NDUFS1: variants seen among roughly 807,000 people sequenced by gnomAD.
NDUFS1 encodes NADH:ubiquinone oxidoreductase core subunit S1, also known as NADH-ubiquinone oxidoreductase 75 kDa subunit, mitochondrial.
Under a neutral mutation model 84.4 loss-of-function variants are expected in NDUFS1, and 61 were observed. That is an observed-to-expected ratio of 0.72 (90% CI 0.59 to 0.89). The LOEUF (loss-of-function observed/expected upper bound fraction) is 0.89, where lower values mean the gene tolerates loss of function less well. Among genes scored for constraint, NDUFS1 ranks in the 40% least tolerant of loss-of-function variants. The pLI, the probability that NDUFS1 is intolerant of heterozygous loss-of-function variation, is 0.00. For missense variants in NDUFS1, 891 were observed against 890.0 expected (o/e 1.00, Z -0.01); for synonymous variants, 275 against 290.0 (o/e 0.95, Z 0.53).
chr2:206,133,230 T>C, intron 13 of NDUFS1, 125 bp from the exon 14 acceptor site: 3 of 750,850 alleles, frequency 4.0e-6, no homozygotes, highest in Non-Finnish European at 6.4e-6. Context: ...CTTCAATTTG[T>C]TAGCCCAACA....
At chr2:206,147,183 A>C in intron 7 of NDUFS1, 95 bp from the exon 8 acceptor site, 3 of 1,228,200 alleles carry the variant, frequency 2.4e-6, no homozygotes. Context: ...CCAAACACTA[A>C]AAAGAAATGA....
At chr2:206,128,102 ACAG>A in intron 15 of NDUFS1, 130 bp from the exon 16 acceptor site, 1 of 970,690 alleles carries the variant, frequency 1.0e-6, no homozygotes, top group Non-Finnish European at 1.6e-6. Context: ...CTAAAATGAA[ACAG>A]TAGTGAAGTA....
intron 3 of NDUFS1, among the ~76,000 whole-genome samples, chr2:206,151,548 T>C (rs973899532): frequency 1.3e-5 from 2 of 152,232 alleles, no homozygotes; most frequent in African/African-American, 4.8e-5. Context: ...TGCTTTCATG[T>C]CTGTGACTGG....
Position 206,141,975 on chromosome 2 carries a change from C to G in NDUFS1, c.1228G>C (p.Glu410Gln). The stretch of plus-strand genomic sequence containing the variant: ...ATTCTAGCATTAAACAGTGGTGCCT[C>G]AAAACGTGGGTTTGTACCAACCAGA... ...VLLVGTNPRF[E>Q]APLFNARIRK... The change falls in exon 12 of 19, where the codon GAG becomes CAG. Residue 410 changes from glutamate to glutamine, a missense_variant. By Grantham distance (29) the Glu-to-Gln change is conservative. Coordinates refer to ENST00000233190, the MANE Select transcript of NDUFS1 (RefSeq NM_005006.7). The G allele has an allele frequency of 6.2e-7, 1 of 1,611,470 alleles. No individual in the cohort carries two copies. Among genetic ancestry groups the G allele is most frequent in the Non-Finnish European group, 8.5e-7 (1 of 1,177,714 alleles).
intron 13 of NDUFS1, among the ~76,000 whole-genome samples, chr2:206,138,083 G>A (rs1267930738): frequency 6.6e-6 from 1 of 152,134 alleles, no homozygotes; most frequent in Admixed American, 6.6e-5. Flanking sequence ...GTTCTTTTCT[G>A]TATTGGTGTA....
At chr2:206,135,446 G>A (rs989282059) in intron 13 of NDUFS1, among the ~76,000 whole-genome samples, 2 of 151,948 alleles carry the variant, frequency 1.3e-5, no homozygotes, top group South Asian at 2.1e-4. Flanking sequence ...AGGCCGACAC[G>A]GGCAGATCAC....
At chr2:206,129,214 A>C (rs1250127000) in intron 15 of NDUFS1, among the ~76,000 whole-genome samples, 1 of 152,206 alleles carries the variant, frequency 6.6e-6, no homozygotes, top group Non-Finnish European at 1.5e-5. Flanking sequence ...AAAACTCAAC[A>C]ATGATTATTT....
chr2:206,149,992 G>C, intron 3 of NDUFS1, 67 bp from the exon 4 acceptor site: 6 of 1,039,206 alleles, frequency 5.8e-6, no homozygotes, highest in Non-Finnish European at 8.9e-6. Context: ...TGCTGTTATT[G>C]CTGAAACACA....
intron 15 of NDUFS1, among the ~76,000 whole-genome samples, chr2:206,128,968 T>C (rs1025244054): frequency 3.4e-4 from 52 of 152,070 alleles, no homozygotes; most frequent in Non-Finnish European, 6.8e-4. Flanking sequence ...TGGGGGAGGA[T>C]GCAAAGACAG....
intron 13 of NDUFS1, among the ~76,000 whole-genome samples, chr2:206,134,483 A>G (rs1162876537): frequency 6.6e-6 from 1 of 151,852 alleles, no homozygotes; most frequent in Non-Finnish European, 1.5e-5. Context: ...AAAATTGGCC[A>G]GGCATGGTGG....
intron 3 of NDUFS1, among the ~76,000 whole-genome samples, chr2:206,151,119 T>C (rs564572539): frequency 1.4e-4 from 22 of 152,310 alleles, no homozygotes; most frequent in Non-Finnish European, 2.1e-4. Flanking sequence ...TGTCTCTTAT[T>C]CCAGTCTTGC....
At chr2:206,153,798 G>A in intron 1 of NDUFS1, 116 bp from the exon 2 acceptor site, 1 of 657,596 alleles carries the variant, frequency 1.5e-6, no homozygotes, top group Non-Finnish European at 2.7e-6. Flanking sequence ...AACACTCATA[G>A]GTTCTGATAT....
Position 206,127,990 on chromosome 2 carries a change from A to G in NDUFS1, c.1709-18T>C. 1 of 1,613,526 alleles carries G rather than the reference A, an allele frequency of 6.2e-7. No individual in the cohort carries two copies. The highest frequency in any genetic ancestry group is 1.1e-5 in the South Asian group (1 of 91,034). On this transcript the variant is annotated intron_variant, in intron 15 of 18. Transcript: ENST00000233190. The stretch of plus-strand genomic sequence containing the variant: ...ATGATGTCCTGCACAAAGATGGAAA[A>G]TGGTAAACCAAAATTTTATTAAAAA...
At chr2:206,130,929 T>C (rs1342934139) in intron 14 of NDUFS1, among the ~76,000 whole-genome samples, 3 of 152,124 alleles carry the variant, frequency 2.0e-5, no homozygotes, top group African/African-American at 7.2e-5. Context: ...AAGGGAGAAA[T>C]TGAAAACCAC....
At chr2:206,131,163 C>A (rs1049824289) in intron 14 of NDUFS1, among the ~76,000 whole-genome samples, 2 of 152,150 alleles carry the variant, frequency 1.3e-5, no homozygotes, top group African/African-American at 4.8e-5. Flanking sequence ...AAGTTGGAAG[C>A]ATGCTTCGAA....
intron 9 of NDUFS1, 121 bp from the exon 10 acceptor site, chr2:206,144,253 C>T (rs1692075809): frequency 2.8e-6 from 2 of 709,928 alleles, no homozygotes; most frequent in South Asian, 3.1e-5. Flanking sequence ...AATATCTAAA[C>T]ACCTAGATAC....
chr2:206,145,102 A>AT (rs1025644622), intron 8 of NDUFS1, 76 bp from the exon 9 acceptor site: 124 of 1,449,562 alleles, frequency 8.6e-5, no homozygotes, highest in East Asian at 1.2e-4. Context: ...TTACCAAAAA[A>AT]TTTTTTTTAC....
At chr2:206,127,766 GCA>G (rs1233226561) in intron 16 of NDUFS1, 29 bp downstream of exon 16, 1 of 1,608,078 alleles carries the variant, frequency 6.2e-7, no homozygotes, top group Admixed American at 1.7e-5. Context: ...GCCTTTAGTA[GCA>G]TCACTAAGAA....
rs1265553810 is a variant in NDUFS1, at chr2:206,147,549, T to C, written c.533A>G (p.Gln178Arg). The change falls in exon 7 of 19, where the codon CAG becomes CGG. Residue 178 changes from glutamine to arginine, a missense_variant. Coordinates refer to ENST00000233190, the MANE Select transcript of NDUFS1 (RefSeq NM_005006.7). ...LVKTIMTRCIQCTRCIRFASE... is the reference protein window; with the variant it reads ...LVKTIMTRCIRCTRCIRFASE... ...AAGTTACCTGATGCAGCGAGTACAC[T>C]GTATACATCTTGTCATGATGGTCTT... 7 of 1,614,170 alleles carry C rather than the reference T, an allele frequency of 4.3e-6. No homozygotes were observed. Among genetic ancestry groups the C allele is most frequent in the Non-Finnish European group, 5.1e-6 (6 of 1,180,010 alleles).
Sources: gnomAD v4.1 joint callset for allele counts (sites outside exome capture counted in the v4.1 genomes callset) on GRCh38, gnomAD v4.1.1 for gene constraint, MANE v1.5 for transcripts, NCBI Gene and HGNC (gene_info 2026-07-23, HGNC 2026-07-21) for gene names.